Variants in DENND4B observed in about 807,000 individuals in gnomAD.
The protein encoded by DENND4B is DENN domain containing 4B, also known as DENN domain-containing protein 4B.
In DENND4B, 67 loss-of-function variants were observed where a neutral mutation model predicts 161.0. The ratio of observed to expected loss-of-function variants is 0.42; its 90% CI spans 0.34 to 0.51. The LOEUF (loss-of-function observed/expected upper bound fraction) is 0.51. DENND4B is among the 20% of genes least tolerant of loss of function. The probability of loss-of-function intolerance (pLI) is 0.08; values close to 1 mark genes in which losing one functional copy is unlikely to be tolerated. For synonymous variants in DENND4B, 753 were observed against 813.8 expected (o/e 0.93, Z 1.27); for missense variants, 1,481 against 1,968.0 (o/e 0.75, Z 4.68).
rs1448691853 is a variant in DENND4B, at chr1:153,936,223, C to CA, written c.2440-36dup. ...GAGAGGCACAGGACAATGGGAGACT[C>CA]ACTCTCAACCAAAACCAAAGTCTCA... is the stretch of plus-strand genomic sequence containing the variant. On this transcript the variant is annotated intron_variant, in intron 16 of 27. Transcript: ENST00000361217. This position sits in a 1 kb window ranked among gnomAD's most constrained non-coding sequence, Gnocchi z 4.1. The CA allele has an allele frequency of 6.3e-7, 1 of 1,580,396 alleles. No individual in the cohort carries two copies. Among genetic ancestry groups the CA allele is most frequent in the Non-Finnish European group, 8.6e-7 (1 of 1,162,298 alleles).
Position 153,931,076 on chromosome 1 carries a change from A to C in DENND4B, c.3997-12T>G. 6.3e-7 allele frequency: 1 copy of C among 1,598,162 alleles called. No homozygotes were observed. Among genetic ancestry groups the C allele is most frequent in the Non-Finnish European group, 8.5e-7 (1 of 1,171,198 alleles). On this transcript the variant is annotated splice_polypyrimidine_tract_variant and intron_variant, in intron 24 of 27. Coordinates refer to ENST00000361217, the MANE Select transcript of DENND4B (RefSeq NM_014856.3). ...CAAGGAGATGGGGCCTGGGGGAGCC[A>C]AGATAGTGGAGACAGTTAGGCTCAA...
At position 153,939,758 on chromosome 1, in the gene DENND4B, T is replaced by C; in HGVS notation, c.1650A>G (p.Thr550=). 6.2e-7 allele frequency: 1 copy of C among 1,613,900 alleles called. No homozygotes were observed. The highest frequency in any genetic ancestry group is 1.3e-5 in the African/African-American group (1 of 75,032). Residue 550 remains threonine, a synonymous_variant, in exon 12 of 28, where the codon ACA becomes ACG. Coordinates refer to ENST00000361217, the MANE Select transcript of DENND4B (RefSeq NM_014856.3). ...TGCGGCCACACACTGCCTCGTAGTCTGTCAGTAGGAACTCCAGGGATGCTT... is the reference window on the plus strand; with the variant it reads ...TGCGGCCACACACTGCCTCGTAGTCCGTCAGTAGGAACTCCAGGGATGCTT... The part of the protein sequence containing the change: ...EEEASLEFLL[T]DYEAVCGRRA...
chr1:153,935,980 G>T (rs902891084), intron 17 of DENND4B, 80 bp downstream of exon 17: 1 of 1,548,354 alleles, frequency 6.5e-7, no homozygotes, highest in East Asian at 2.4e-5. Flanking sequence ...CAATCTCCAA[G>T]GAGCGAGGGG....
Position 153,932,673 on chromosome 1 carries a change from T to C in DENND4B, c.3728A>G (p.Asp1243Gly). 6.2e-7 allele frequency: 1 copy of C among 1,613,922 alleles called. No homozygotes were observed. The highest frequency in any genetic ancestry group is 8.5e-7 in the Non-Finnish European group (1 of 1,179,818). ...GTGCCCGTTGCAGAGCTGGGGCTCA[T>C]CCAGAGCAAGGCAGAGCCTTCGGTC... ...LSDRRLCLAL[D>G]EPQLCNGHMG... is the part of the protein sequence containing the mutation. Residue 1243 changes from aspartate to glycine, a missense_variant, in exon 23 of 28, where the codon GAT (aspartate) becomes GGT (glycine). Physicochemically the swap from Asp to Gly is moderately conservative, Grantham distance 94. This residue lies in a region of DENND4B where 336 missense variants were observed against 503.3 expected (regional missense o/e 0.67). Transcript: ENST00000361217. The surrounding 1 kb of genome is among the most constrained non-coding windows in gnomAD (Gnocchi z 5.8).
Position 153,936,277 on chromosome 1 carries a change from T to C in DENND4B, c.2440-89A>G, listed in dbSNP as rs1679325813. Reference sequence around the variant, plus strand: ...AGCACCCTCTTCCTGCCTCCCCAATTCTCACAGACATCACTGGCCCCTGGC... The same window carrying C: ...AGCACCCTCTTCCTGCCTCCCCAATCCTCACAGACATCACTGGCCCCTGGC... On this transcript the variant is annotated intron_variant, in intron 16 of 27. Transcript: ENST00000361217. This position sits in a 1 kb window ranked among gnomAD's most constrained non-coding sequence, Gnocchi z 4.1. 2.0e-6 allele frequency: 3 copies of C among 1,508,064 alleles called. No homozygotes were observed. The highest frequency in any genetic ancestry group is 2.7e-6 in the Non-Finnish European group (3 of 1,120,548). 93.4% of individuals were successfully genotyped at this position (1,508,064 alleles called of 1,614,324 possible).
rs1679407010 is a variant in DENND4B, at chr1:153,937,367, ACTC to A, written c.2232+118_2232+120del. ...TTGCTTATGTGCCAAGCACATTTAAACTCCTAACAACCTCATGGGTTAAGTATT... is the reference window on the plus strand; with the variant it reads ...TTGCTTATGTGCCAAGCACATTTAAACTAACAACCTCATGGGTTAAGTATT... On this transcript the variant is annotated intron_variant, in intron 15 of 27. Coordinates refer to ENST00000361217, the MANE Select transcript of DENND4B (RefSeq NM_014856.3). This position sits in a 1 kb window ranked among gnomAD's most constrained non-coding sequence, Gnocchi z 4.7. The A allele has an allele frequency of 2.9e-6, 4 of 1,385,236 alleles. No individual in the cohort carries two copies. In the Admixed American group the frequency reaches 1.2e-4, roughly 41 times the overall value. 85.8% of individuals were successfully genotyped at this position (1,385,236 alleles called of 1,614,324 possible).
In DENND4B at chr1:153,934,429, GT is replaced by G; in HGVS notation, c.2774-128del. On this transcript the variant is annotated intron_variant, in intron 18 of 27. Transcript: ENST00000361217. The surrounding 1 kb of genome is among the most constrained non-coding windows in gnomAD (Gnocchi z 5.3). ...CCAGGCAAAACTTTATCCGTTTTGT[GT>G]TTGTTTGTTTGTTTGTTTTGTTTTG... The G allele has an allele frequency of 1.6e-6, 2 of 1,263,516 alleles. No individual in the cohort carries two copies. The highest frequency in any genetic ancestry group is 3.0e-5 in the South Asian group (2 of 65,672). The allele number at this position is 1,263,516 out of a possible 1,614,324, so 78.3% of individuals were successfully genotyped here. A position where few individuals can be genotyped will look rare whatever the true frequency, so the allele number is the denominator to read the frequency against.
In DENND4B at chr1:153,943,074, G is replaced by A; in HGVS notation, c.374C>T (p.Thr125Ile). The change falls in exon 3 of 28, where the codon ACA becomes ATA. Residue 125 changes from threonine to isoleucine, a missense_variant. Physicochemically the swap from Thr to Ile is moderately conservative, Grantham distance 89. Transcript: ENST00000361217. ...PKPGFQVLDTTPYSHSANLAP... is the reference protein window; with the variant it reads ...PKPGFQVLDTIPYSHSANLAP... ...CAGGTTTGCTGAGTGGCTGTAGGGT[G>A]TCGTGTCAAGCACTTGGAAGCCAGG... 6.2e-7 allele frequency: 1 copy of A among 1,614,018 alleles called. No individual in the cohort carries two copies. Among genetic ancestry groups the A allele is most frequent in the Non-Finnish European group, 8.5e-7 (1 of 1,179,878 alleles).
At position 153,939,798 on chromosome 1, in the gene DENND4B, G is replaced by C; in HGVS notation, c.1610C>G (p.Thr537Ser). ...NLYQQLDQTY[T>S]GPEEEASLEF... ...CAGGGATGCTTCCTCCTCAGGTCCA[G>C]TGTATGCTGGAGGCCAGGGCAGCCT... The change falls in exon 12 of 28, where the codon ACT becomes AGT. Residue 537 changes from threonine to serine, a missense_variant. By Grantham distance (58) the Thr-to-Ser change is moderately conservative (BLOSUM62 1). Coordinates refer to ENST00000361217, the MANE Select transcript of DENND4B (RefSeq NM_014856.3). The C allele has an allele frequency of 6.2e-7, 1 of 1,613,746 alleles. No individual in the cohort carries two copies. The highest frequency in any genetic ancestry group is 8.5e-7 in the Non-Finnish European group (1 of 1,179,822).
At chr1:153,935,130 T>C (rs1453149741) in intron 17 of DENND4B, 166 bp from the exon 18 acceptor site, 3 of 1,385,192 alleles carry the variant, frequency 2.2e-6, no homozygotes, top group Non-Finnish European at 2.8e-6. Flanking sequence ...GAAGAGACAG[T>C]AGGCAGCAGC....
Position 153,932,242 on chromosome 1 carries a change from G to C in DENND4B, c.3958C>G (p.Leu1320Val). The C allele has an allele frequency of 1.9e-6, 3 of 1,614,006 alleles. No individual in the cohort carries two copies. The highest frequency in any genetic ancestry group is 2.5e-6 in the Non-Finnish European group (3 of 1,179,896). ...RLRLPSILPG[L>V]VLASCDGPSH... is the part of the protein sequence containing the mutation. ...GGCCCATCACAGGAGGCCAGCACCA[G>C]GCCTGGTAGAATACTGGGCAGGCGT... Residue 1320 changes from leucine (L) to valine (V), a missense_variant, in exon 24 of 28, where the codon CTG (leucine) becomes GTG (valine). Leu to Val is a conservative substitution (Grantham distance 32). Around this residue, in one of 3 missense-constraint regions of DENND4B, gnomAD observed 336 missense variants for 503.3 expected, o/e 0.67. Coordinates refer to ENST00000361217, the MANE Select transcript of DENND4B (RefSeq NM_014856.3). This position sits in a 1 kb window ranked among gnomAD's most constrained non-coding sequence, Gnocchi z 5.8.
At chr1:153,931,898 G>A (rs1316941543) in intron 24 of DENND4B, among the ~76,000 whole-genome samples, 2 of 151,354 alleles carry the variant, frequency 1.3e-5, no homozygotes, top group Non-Finnish European at 2.9e-5. Context: ...CCGCCTCCCA[G>A]GTTCAAGCAA....
chr1:153,941,774 A>AGGGG, intron 6 of DENND4B, 95 bp downstream of exon 6: 13 of 618,116 alleles, frequency 2.1e-5, no homozygotes, highest in East Asian at 9.8e-5. Flanking sequence ...CCCTGTGCCC[A>AGGGG]GCCCTCCCCC....
chr1:153,940,067 G>T lies in DENND4B; in HGVS notation c.1603+89C>A. ...ATCCTAACTTCACTCACCTCCTTAA[G>T]AAATGTCTAGCTCCCCACAGACCTC... is the stretch of plus-strand genomic sequence containing the variant. On this transcript the variant is annotated intron_variant, in intron 11 of 27. Transcript: ENST00000361217. The surrounding 1 kb of genome is among the most constrained non-coding windows in gnomAD (Gnocchi z 5.6). The T allele has an allele frequency of 8.4e-7, 1 of 1,186,018 alleles. No homozygotes were observed. The highest frequency in any genetic ancestry group is 1.2e-6 in the Non-Finnish European group (1 of 852,836). 73.5% of individuals were successfully genotyped at this position (1,186,018 alleles called of 1,614,324 possible). A position where few individuals can be genotyped will look rare whatever the true frequency, so the allele number is the denominator to read the frequency against.
rs1341528410 is a variant in DENND4B at position 153,944,847 on chromosome 1, C to A, written c.-23-450G>T. 6.6e-6 allele frequency among the ~76,000 whole-genome samples: 1 copy of A among 152,136 alleles called. No individual in the cohort carries two copies. Among genetic ancestry groups the A allele is most frequent in the Non-Finnish European group, 1.5e-5 (1 of 68,032 alleles). ...ATGACACCATAAGAACCTTGTGATC[C>A]TGCCAATGTTCTTAAAGAGCCCACT... On this transcript the variant is annotated intron_variant, in intron 1 of 27. Transcript: ENST00000361217. The surrounding 1 kb of genome is among the most constrained non-coding windows in gnomAD (Gnocchi z 4.8).
chr1:153,946,169 C>T lies in DENND4B; in HGVS notation c.-24+132G>A. On this transcript the variant is annotated intron_variant, in intron 1 of 27. Coordinates refer to ENST00000361217, the MANE Select transcript of DENND4B (RefSeq NM_014856.3). The surrounding 1 kb of genome is among the most constrained non-coding windows in gnomAD (Gnocchi z 6.3). Reference sequence around the variant, plus strand: ...GCCCTCCCCTCCACTTTCACTTCCCCAGGAGAGAGGAACCGGAACCAGATG... The same window carrying T: ...GCCCTCCCCTCCACTTTCACTTCCCTAGGAGAGAGGAACCGGAACCAGATG... 3.4e-6 allele frequency: 1 copy of T among 296,792 alleles called. No individual in the cohort carries two copies. Among genetic ancestry groups the T allele is most frequent in the Non-Finnish European group, 6.2e-6 (1 of 161,664 alleles). The allele number at this position is 296,792 out of a possible 1,614,324, so 18.4% of individuals were successfully genotyped here.
chr1:153,940,983 G>T lies in DENND4B; in HGVS notation c.1247C>A (p.Ala416Asp). Residue 416 changes from alanine (A) to aspartate (D), a missense_variant, in exon 9 of 28, where the codon GCT becomes GAT. Physicochemically the swap from Ala to Asp is moderately radical, Grantham distance 126. Coordinates refer to ENST00000361217, the MANE Select transcript of DENND4B (RefSeq NM_014856.3). The surrounding 1 kb of genome is among the most constrained non-coding windows in gnomAD (Gnocchi z 5.6). ...TAGCAGCTTGTGCTCTGTGAGCACAGCCAGCAGCAGTGTGATAGCCAGCTC... is the reference window on the plus strand; with the variant it reads ...TAGCAGCTTGTGCTCTGTGAGCACATCCAGCAGCAGTGTGATAGCCAGCTC... ...GPELAITLLL[A>D]VLTEHKLLVH... The T allele has an allele frequency of 6.3e-7, 1 of 1,586,068 alleles. No individual in the cohort carries two copies. Among genetic ancestry groups the T allele is most frequent in the Non-Finnish European group, 8.6e-7 (1 of 1,168,182 alleles).
chr1:153,942,446 C>A lies in DENND4B; in HGVS notation c.641-90G>T. 1 of 1,567,086 alleles carries A rather than the reference C, an allele frequency of 6.4e-7. No homozygotes were observed. Among genetic ancestry groups the A allele is most frequent in the Non-Finnish European group, 8.7e-7 (1 of 1,155,438 alleles). ...GAACCAAGGGATCCCAGAGAAGGCC[C>A]GAGTAGCAAAGAGAAAGTAAACTCT... On this transcript the variant is annotated intron_variant, in intron 4 of 27. Coordinates refer to ENST00000361217, the MANE Select transcript of DENND4B (RefSeq NM_014856.3). The surrounding 1 kb of genome is among the most constrained non-coding windows in gnomAD (Gnocchi z 6.9).
At chr1:153,931,816 T>C (rs1331884289) in intron 24 of DENND4B, among the ~76,000 whole-genome samples, 14 of 150,524 alleles carry the variant, frequency 9.3e-5, no homozygotes, top group Non-Finnish European at 1.5e-4. Context: ...CTTTTTTTTT[T>C]TCTTGAGACG....
Sources: allele counts gnomAD v4.1 joint callset (sites outside exome capture counted in the v4.1 genomes callset), GRCh38; gene constraint gnomAD v4.1.1; regional missense constraint gnomAD v4.1.1; non-coding constraint Gnocchi (gnomAD v3.1); transcripts MANE v1.5; gene names NCBI Gene and HGNC (gene_info 2026-07-23, HGNC 2026-07-21).